Variants in RIMS1 observed in about 807,000 individuals in gnomAD.
The protein encoded by RIMS1 is regulating synaptic membrane exocytosis 1.
In RIMS1, 83 loss-of-function variants were observed where a neutral mutation model predicts 214.1. The observed-to-expected ratio is 0.39, with a 90% CI of 0.32 to 0.47. The LOEUF is 0.47. RIMS1 is among the 20% of genes least tolerant of loss of function. The probability of loss-of-function intolerance (pLI) is 0.99; values close to 1 mark genes in which losing one functional copy is unlikely to be tolerated. For missense variants in RIMS1, 2,050 were observed against 2,161.8 expected (o/e 0.95, Z 1.03); for synonymous variants, 793 against 786.8 (o/e 1.01, Z -0.13).
intron 6 of RIMS1, among the ~76,000 whole-genome samples, chr6:72,193,456 A>G (rs932920738): frequency 3.9e-5 from 6 of 152,228 alleles, no homozygotes; most frequent in Admixed American, 1.3e-4. Flanking sequence ...CAGCCTTTAC[A>G]AAATGAAACA....
chr6:72,011,040 A>G, intron 2 of RIMS1, among the ~76,000 whole-genome samples: 1 of 150,646 alleles, frequency 6.6e-6, no homozygotes, highest in Non-Finnish European at 1.5e-5. Flanking sequence ...TAGCCAAAAG[A>G]ACAAAGCTGG....
rs948351364 is a variant in RIMS1 at position 72,088,448 on chromosome 6, A to G, written c.246-8501A>G. ...TAATTTTTAGTAGAGATGGGGTTTC[A>G]CCATGTTGGCCCGGCTCCAGGCTGG... On this transcript the variant is annotated intron_variant, in intron 2 of 33. Transcript: ENST00000521978. Among the ~76,000 whole-genome samples, 3 of 151,800 alleles carry G rather than the reference A, an allele frequency of 2.0e-5. No individual in the cohort carries two copies. The East Asian group carries it at 5.8e-4, about 29-fold the overall frequency.
intron 4 of RIMS1, among the ~76,000 whole-genome samples, chr6:72,109,730 C>CT (rs1158935635): frequency 6.6e-6 from 1 of 152,166 alleles, no homozygotes; most frequent in Non-Finnish European, 1.5e-5. Context: ...TCAATTTTGG[C>CT]TTTTGTTGCC....
At chr6:72,108,609 T>C (rs941354262) in intron 4 of RIMS1, among the ~76,000 whole-genome samples, 6 of 152,070 alleles carry the variant, frequency 3.9e-5, no homozygotes, top group Admixed American at 3.3e-4. Flanking sequence ...TACAAGTACA[T>C]GTATCTCATT....
intron 1 of RIMS1, among the ~76,000 whole-genome samples, chr6:71,922,581 A>G (rs754555579): frequency 2.0e-5 from 3 of 152,226 alleles, no homozygotes; most frequent in Non-Finnish European, 4.4e-5. Context: ...TTCAAGGTCC[A>G]TCTACTTTCT....
intron 1 of RIMS1, among the ~76,000 whole-genome samples, chr6:71,887,607 C>T (rs984705183): frequency 7.2e-5 from 11 of 152,112 alleles, no homozygotes; most frequent in African/African-American, 2.7e-4. Flanking sequence ...GACAGCTCCT[C>T]TTCTCTTCTT....
chr6:71,993,003 A>G (rs988560585), intron 2 of RIMS1, among the ~76,000 whole-genome samples: 1 of 152,170 alleles, frequency 6.6e-6, no homozygotes, highest in African/African-American at 2.4e-5. Flanking sequence ...TCACTTTCAG[A>G]GGACTGCTAA....
intron 2 of RIMS1, among the ~76,000 whole-genome samples, chr6:72,081,508 C>A (rs1406720843): frequency 6.6e-6 from 1 of 152,104 alleles, no homozygotes; most frequent in Non-Finnish European, 1.5e-5. Context: ...CTGCTCCTAG[C>A]TTTGTATGCA....
intron 1 of RIMS1, among the ~76,000 whole-genome samples, chr6:71,955,356 G>T (rs766430162): frequency 6.6e-6 from 1 of 151,938 alleles, no homozygotes. Context: ...TAGTAGAAAC[G>T]GGGTTTCACC....
chr6:72,093,574 CT>C (rs1387808169), intron 2 of RIMS1, among the ~76,000 whole-genome samples: 1 of 151,828 alleles, frequency 6.6e-6, no homozygotes, highest in African/African-American at 2.4e-5. Context: ...CTTCATTTAG[CT>C]GGATTTTTAA....
chr6:72,106,674 C>G (rs1364369324), intron 4 of RIMS1, among the ~76,000 whole-genome samples: 1 of 152,056 alleles, frequency 6.6e-6, no homozygotes, highest in Non-Finnish European at 1.5e-5. Context: ...TTTTATTTTG[C>G]TTTTAGACAT....
intron 29 of RIMS1, among the ~76,000 whole-genome samples, chr6:72,387,884 A>G (rs1476006169): frequency 4.6e-5 from 7 of 152,230 alleles, no homozygotes; most frequent in Non-Finnish European, 8.8e-5. Context: ...CCATCAATAA[A>G]GAGATGGTTT....
chr6:72,067,679 C>T (rs563221606), intron 2 of RIMS1, among the ~76,000 whole-genome samples: 3 of 152,106 alleles, frequency 2.0e-5, no homozygotes, highest in South Asian at 2.1e-4. Context: ...ACATGATATC[C>T]CCAGTGCCTA....
At chr6:72,184,852 T>C (rs191760604) in intron 6 of RIMS1, among the ~76,000 whole-genome samples, 2 of 152,252 alleles carry the variant, frequency 1.3e-5, no homozygotes, top group Non-Finnish European at 2.9e-5. Context: ...AGGCTAGCTC[T>C]ACTGTTTTGT....
intron 25 of RIMS1, among the ~76,000 whole-genome samples, chr6:72,291,325 A>C (rs879507041): frequency 6.6e-6 from 1 of 152,204 alleles, no homozygotes; most frequent in Non-Finnish European, 1.5e-5. Flanking sequence ...AATCCTGGGC[A>C]GTAGTAATAT....
chr6:72,076,722 G>T (rs1831986496), intron 2 of RIMS1, among the ~76,000 whole-genome samples: 1 of 152,062 alleles, frequency 6.6e-6, no homozygotes, highest in African/African-American at 2.4e-5. Context: ...ATAATTTTCT[G>T]CACTGAAATA....
At chr6:72,011,836 G>T (rs1810741363) in intron 2 of RIMS1, among the ~76,000 whole-genome samples, 1 of 152,220 alleles carries the variant, frequency 6.6e-6, no homozygotes, top group Admixed American at 6.5e-5. Context: ...AACAACAGGT[G>T]CTGGAGAAGA....
At chr6:72,183,506 A>G (rs2048645737) in intron 6 of RIMS1, among the ~76,000 whole-genome samples, 2 of 117,234 alleles carry the variant, frequency 1.7e-5, no homozygotes. Flanking sequence ...ATTATGCCTT[A>G]TAAAGGAAGT....
At chr6:72,100,994 G>A (rs890883669) in intron 4 of RIMS1, among the ~76,000 whole-genome samples, 1 of 151,934 alleles carries the variant, frequency 6.6e-6, no homozygotes, top group Non-Finnish European at 1.5e-5. Flanking sequence ...TTGACTGTAT[G>A]TGGGATAATT....
Sources: allele counts gnomAD v4.1 joint callset (sites outside exome capture counted in the v4.1 genomes callset), GRCh38; gene constraint gnomAD v4.1.1; transcripts MANE v1.5; gene names NCBI Gene and HGNC (gene_info 2026-07-23, HGNC 2026-07-21).